Variants in CNOT1 observed in about 807,000 individuals in gnomAD.
CNOT1 encodes CCR4-associated factor 1.
Under a neutral mutation model 273.8 loss-of-function variants are expected in CNOT1, and 15 were observed. That is an observed-to-expected ratio of 0.05 (90% CI 0.04 to 0.08). CNOT1 has a LOEUF of 0.08. Ranked by LOEUF, CNOT1 falls within the 10% of genes least tolerant of loss-of-function variation. The probability of loss-of-function intolerance (pLI) is 1.00; values close to 1 mark genes in which losing one functional copy is unlikely to be tolerated. For missense variants in CNOT1, 1,644 were observed against 2,912.2 expected, an observed-to-expected ratio of 0.56 and a Z score of 10.02; for synonymous variants, 1,022 against 1,005.5, an observed-to-expected ratio of 1.02 and a Z score of -0.31.
chr16:58,567,259 AG>A (rs1301216805), intron 16 of CNOT1, among the ~76,000 whole-genome samples: 13 of 152,234 alleles, frequency 8.5e-5, no homozygotes, highest in African/African-American at 2.9e-4. Context: ...TGAGCCCACG[AG>A]TGAGCCATGA....
chr16:58,593,003 G>A (rs1476312122), intron 2 of CNOT1, among the ~76,000 whole-genome samples: 1 of 152,130 alleles, frequency 6.6e-6, no homozygotes, highest in East Asian at 1.9e-4. Context: ...TCACCCTCAA[G>A]CATGCCCAAG....
intron 1 of CNOT1, among the ~76,000 whole-genome samples, chr16:58,605,199 C>A (rs960860213): frequency 4.6e-5 from 7 of 151,250 alleles, no homozygotes; most frequent in African/African-American, 1.7e-4. Flanking sequence ...ATCTCCCAAT[C>A]TTCATTATTA....
chr16:58,595,599 A>T (rs2042225593), intron 2 of CNOT1, among the ~76,000 whole-genome samples: 1 of 152,134 alleles, frequency 6.6e-6, no homozygotes, highest in African/African-American at 2.4e-5. Flanking sequence ...TTACTTGGGG[A>T]CTTTATTTTG....
chr16:58,531,682 A>G (rs2039782889), intron 42 of CNOT1, among the ~76,000 whole-genome samples: 1 of 147,794 alleles, frequency 6.8e-6, no homozygotes, highest in South Asian at 2.4e-4. Flanking sequence ...AAAACATTTT[A>G]AAAGAAAGAA....
intron 16 of CNOT1, among the ~76,000 whole-genome samples, chr16:58,571,303 C>T (rs2041264089): frequency 6.6e-6 from 1 of 152,078 alleles, no homozygotes; most frequent in African/African-American, 2.4e-5. Flanking sequence ...TGACCATAAT[C>T]CCAGCACTTT....
rs1212260936 is a variant in CNOT1 at position 58,614,107 on chromosome 16, G to GA, written c.-174-14597dup. On this transcript the variant is annotated intron_variant, in intron 1 of 48. Coordinates refer to ENST00000317147, the MANE Select transcript of CNOT1 (RefSeq NM_016284.5). ...ACACTGTCTCAAAAAAAAAAAAAAAGAAAAGAAAATTACTCTCAAAACCAA... is the reference window on the plus strand; with the variant it reads ...ACACTGTCTCAAAAAAAAAAAAAAAGAAAAAGAAAATTACTCTCAAAACCAA... 1.5e-4 allele frequency among the ~76,000 whole-genome samples: 16 copies of GA among 105,158 alleles called. 5 individuals are homozygous for GA. Among genetic ancestry groups the GA allele is most frequent in the East Asian group, 4.3e-4 (2 of 4,672 alleles). The allele number at this position is 105,158 out of a possible 152,430, so 69.0% of individuals were successfully genotyped here. A position where few individuals can be genotyped will look rare whatever the true frequency, so the allele number is the denominator to read the frequency against.
intron 16 of CNOT1, among the ~76,000 whole-genome samples, 169 bp downstream of exon 16, chr16:58,574,440 T>G (rs1831880052): frequency 6.7e-6 from 1 of 150,018 alleles, no homozygotes; most frequent in Non-Finnish European, 1.5e-5. Context: ...TACAAAACCT[T>G]AACTCAAATG....
At chr16:58,584,163 G>A (rs1364657413) in intron 8 of CNOT1, among the ~76,000 whole-genome samples, 3 of 141,614 alleles carry the variant, frequency 2.1e-5, no homozygotes, top group Non-Finnish European at 3.0e-5. Flanking sequence ...GCAACACTCC[G>A]TCTCAAAAAA....
chr16:58,575,168 A>C, intron 14 of CNOT1, 39 bp from the exon 15 acceptor site: 1 of 1,597,512 alleles, frequency 6.3e-7, no homozygotes, highest in Admixed American at 1.8e-5. Flanking sequence ...AAATGGAGCA[A>C]TTAAGTAACT....
At chr16:58,542,691 C>G in intron 31 of CNOT1, 123 bp from the exon 32 acceptor site, 3 of 1,391,950 alleles carry the variant, frequency 2.2e-6, no homozygotes, top group Non-Finnish European at 2.9e-6. Context: ...AGTTCTGACT[C>G]TACTTATGAA....
At chr16:58,568,067 G>A (rs914711252) in intron 16 of CNOT1, among the ~76,000 whole-genome samples, 14 of 152,124 alleles carry the variant, frequency 9.2e-5, no homozygotes, top group African/African-American at 3.1e-4. Context: ...ACTACATACA[G>A]GCTAACTAAA....
At chr16:58,585,828 AAAAC>A (rs1168747045) in intron 7 of CNOT1, among the ~76,000 whole-genome samples, 1 of 152,210 alleles carries the variant, frequency 6.6e-6, no homozygotes, top group African/African-American at 2.4e-5. Flanking sequence ...GAAAGCATCA[AAAAC>A]AAACAATTAG....
chr16:58,582,248 T>C (rs1007352571), intron 10 of CNOT1, among the ~76,000 whole-genome samples: 1 of 152,020 alleles, frequency 6.6e-6, no homozygotes, highest in Non-Finnish European at 1.5e-5. Flanking sequence ...GCTGTGATCG[T>C]GCCACTGCAC....
At chr16:58,563,682 T>C (rs1340586220) in intron 16 of CNOT1, among the ~76,000 whole-genome samples, 19 of 152,198 alleles carry the variant, frequency 1.2e-4, no homozygotes, top group Admixed American at 1.2e-3. Flanking sequence ...TTCATAGAGA[T>C]ACCGTATCTC....
At chr16:58,594,918 C>T (rs887133099) in intron 2 of CNOT1, among the ~76,000 whole-genome samples, 4 of 151,736 alleles carry the variant, frequency 2.6e-5, no homozygotes, top group Admixed American at 1.3e-4. Context: ...AGTTCAAGAC[C>T]GGCCTGGCCA....
chr16:58,535,664 T>A (rs1035120518), intron 39 of CNOT1, among the ~76,000 whole-genome samples: 3 of 152,182 alleles, frequency 2.0e-5, no homozygotes, highest in Non-Finnish European at 4.4e-5. Context: ...TGGATTCTTT[T>A]AGGGGAGAAA....
chr16:58,553,893 G>A, intron 21 of CNOT1, 33 bp from the exon 22 acceptor site: 2 of 1,586,848 alleles, frequency 1.3e-6, no homozygotes, highest in Non-Finnish European at 1.7e-6. Context: ...ATCATTTCAT[G>A]TCAGAACAGA....
intron 1 of CNOT1, among the ~76,000 whole-genome samples, chr16:58,613,291 C>A (rs2042960840): frequency 6.6e-6 from 1 of 151,120 alleles, no homozygotes; most frequent in Non-Finnish European, 1.5e-5. Flanking sequence ...CTCAGGCTCC[C>A]AAAGTGCTGG....
intron 14 of CNOT1, 108 bp from the exon 15 acceptor site, chr16:58,575,237 G>A (rs955249066): frequency 9.6e-6 from 14 of 1,450,932 alleles, no homozygotes; most frequent in Non-Finnish European, 1.3e-5. Flanking sequence ...AAAACACACT[G>A]CTAATACTTC....
Sources: allele counts gnomAD v4.1 joint callset (sites outside exome capture counted in the v4.1 genomes callset), GRCh38; gene constraint gnomAD v4.1.1; transcripts MANE v1.5; gene names NCBI Gene and HGNC (gene_info 2026-07-23, HGNC 2026-07-21).